Variants in TNFSF11 observed in about 807,000 individuals in gnomAD.
The protein encoded by TNFSF11 is tumor necrosis factor ligand superfamily member 11.
A neutral mutation model predicts 32.2 loss-of-function variants in TNFSF11; 12 were observed. The observed-to-expected ratio is 0.37, with a 90% confidence interval of 0.24 to 0.60. The LOEUF (loss-of-function observed/expected upper bound fraction) is 0.60. Ranked by LOEUF, TNFSF11 falls within the 20% of genes least tolerant of loss-of-function variation. The pLI is 0.66. For missense variants in TNFSF11, 345 were observed against 398.0 expected, an observed-to-expected ratio of 0.87 and a Z score of 1.13; for synonymous variants, 172 against 152.1, an observed-to-expected ratio of 1.13 and a Z score of -0.96.
At chr13:42,589,524 T>G (rs1874063256) in intron 2 of TNFSF11, among the ~76,000 whole-genome samples, 1 of 152,214 alleles carries the variant, frequency 6.6e-6, no homozygotes, top group South Asian at 2.1e-4. Flanking sequence ...CAGGATGAAG[T>G]CTGAGCTGCT....
Position 42,600,991 on chromosome 13 carries a change from A to G in TNFSF11, c.532+10A>G, listed in dbSNP as rs773850353. On this transcript the variant is annotated intron_variant, in intron 4 of 4. Coordinates refer to ENST00000398795, the MANE Select transcript of TNFSF11 (RefSeq NM_003701.4). ...ACCGACATCCCATCTGGTAAGCTCT[A>G]TCTGCATCCAGCCTGAAAAATATTT... The G allele has an allele frequency of 8.1e-6, 13 of 1,613,722 alleles. No individual in the cohort carries two copies. Among genetic ancestry groups the G allele is most frequent in the East Asian group, 4.5e-5 (2 of 44,900 alleles).
At chr13:42,596,734 C>G (rs984276556) in intron 2 of TNFSF11, among the ~76,000 whole-genome samples, 4 of 152,250 alleles carry the variant, frequency 2.6e-5, no homozygotes, top group African/African-American at 9.6e-5. Flanking sequence ...AATATATATG[C>G]AAGTCATGAG....
intron 1 of TNFSF11, among the ~76,000 whole-genome samples, chr13:42,575,140 T>A (rs1873246833): frequency 6.6e-6 from 1 of 152,170 alleles, no homozygotes; most frequent in Non-Finnish European, 1.5e-5. Flanking sequence ...GCTCTGCGGC[T>A]GTGGCGCTGT....
intron 1 of TNFSF11, among the ~76,000 whole-genome samples, chr13:42,563,969 A>G (rs1174938562): frequency 6.6e-6 from 1 of 152,172 alleles, no homozygotes; most frequent in East Asian, 1.9e-4. Flanking sequence ...CACATATATT[A>G]GACCTTTTGA....
At chr13:42,579,214 G>A (rs1444619219) in intron 1 of TNFSF11, among the ~76,000 whole-genome samples, 4 of 151,732 alleles carry the variant, frequency 2.6e-5, no homozygotes, top group Admixed American at 1.3e-4. Context: ...GCAACACAGC[G>A]AGACCCCATC....
chr13:42,583,148 CA>C (rs1188986588), intron 2 of TNFSF11, among the ~76,000 whole-genome samples: 2 of 151,976 alleles, frequency 1.3e-5, no homozygotes, highest in African/African-American at 4.8e-5. Flanking sequence ...CGGTGGCTCA[CA>C]CTTGTAATCC....
upstream of TNFSF11, chr13:42,574,037 G>A: frequency 1.9e-6 from 1 of 534,726 alleles, no homozygotes; most frequent in Non-Finnish European, 3.3e-6. Context: ...AGGGCGAAAG[G>A]AAGGAAGGGG....
At chr13:42,598,968 G>A (rs1468753797) in intron 2 of TNFSF11, among the ~76,000 whole-genome samples, 1 of 152,140 alleles carries the variant, frequency 6.6e-6, no homozygotes, top group African/African-American at 2.4e-5. Flanking sequence ...AGAAAACGAG[G>A]CCTGGGAAGG....
At chr13:42,575,132 T>C (rs1873246131) in intron 1 of TNFSF11, among the ~76,000 whole-genome samples, 1 of 152,114 alleles carries the variant, frequency 6.6e-6, no homozygotes. Flanking sequence ...GGATGGGGGC[T>C]CTGCGGCTGT....
intron 1 of TNFSF11, among the ~76,000 whole-genome samples, chr13:42,575,961 G>A (rs185222106): frequency 2.6e-5 from 4 of 152,200 alleles, no homozygotes; most frequent in African/African-American, 7.2e-5. Context: ...AGCGTTGTGC[G>A]TGGCACCGTC....
Position 42,574,242 on chromosome 13 carries a change from C to A in TNFSF11, c.-62C>A. 1.3e-5 allele frequency: 20 copies of A among 1,535,740 alleles called. No homozygotes were observed. Among genetic ancestry groups the A allele is most frequent in the Non-Finnish European group, 1.7e-5 (19 of 1,137,952 alleles). On this transcript the variant is annotated 5_prime_UTR_variant, in exon 1 of 5. Coordinates refer to ENST00000398795, the MANE Select transcript of TNFSF11 (RefSeq NM_003701.4). Reference sequence around the variant, plus strand: ...CCGCCGCAGCCTCCGGAGTTGGCCGCAGACAAGAAGGGGAGGGAGCGGGAG... The same window carrying A: ...CCGCCGCAGCCTCCGGAGTTGGCCGAAGACAAGAAGGGGAGGGAGCGGGAG...
chr13:42,596,043 A>G (rs1314595955), intron 2 of TNFSF11, among the ~76,000 whole-genome samples: 1 of 152,218 alleles, frequency 6.6e-6, no homozygotes, highest in Non-Finnish European at 1.5e-5. Flanking sequence ...CGTCTTCAGA[A>G]GGACTCCTAT....
At chr13:42,589,055 G>T (rs935957694) in intron 2 of TNFSF11, among the ~76,000 whole-genome samples, 5 of 151,994 alleles carry the variant, frequency 3.3e-5, no homozygotes, top group Non-Finnish European at 5.9e-5. Context: ...TGGTGGTGGT[G>T]GTACCAGTAA....
upstream of TNFSF11, among the ~76,000 whole-genome samples, chr13:42,573,271 G>A (rs1873136909): frequency 1.3e-5 from 2 of 151,802 alleles, no homozygotes; most frequent in Admixed American, 6.6e-5. Context: ...AACATCCTAA[G>A]TTTCATGGGT....
At chr13:42,571,480 T>C (rs1566372539), upstream of TNFSF11, 1 of 152,140 alleles carries the variant, frequency 6.6e-6, no homozygotes, top group Non-Finnish European at 1.5e-5. Context: ...ACAATCCACC[T>C]ATCTCAGCCT....
chr13:42,599,736 A>G (rs552503618), intron 2 of TNFSF11, among the ~76,000 whole-genome samples: 8 of 152,012 alleles, frequency 5.3e-5, no homozygotes, highest in African/African-American at 1.9e-4. Context: ...CACCTGGCTA[A>G]TTTTTGTATT....
chr13:42,593,871 G>A (rs1209833067), intron 2 of TNFSF11, among the ~76,000 whole-genome samples: 1 of 152,170 alleles, frequency 6.6e-6, no homozygotes, highest in East Asian at 1.9e-4. Flanking sequence ...ATAAGCTGGT[G>A]CCAGTGATTT....
chr13:42,600,977 A>G lies in TNFSF11; in HGVS notation c.528A>G (p.Pro176=). ...AHLTINATDI[P]SGSHKVSLSS... ...TCACTATTAATGCCACCGACATCCC[A>G]TCTGGTAAGCTCTATCTGCATCCAG... Residue 176 remains proline (P), a synonymous_variant, in exon 4 of 5, where the codon CCA becomes CCG. Coordinates refer to ENST00000398795, the MANE Select transcript of TNFSF11 (RefSeq NM_003701.4). 1 of 1,614,174 alleles carries G rather than the reference A, an allele frequency of 6.2e-7. No individual in the cohort carries two copies. Among genetic ancestry groups the G allele is most frequent in the Non-Finnish European group, 8.5e-7 (1 of 1,180,002 alleles).
rs1594457752 is a variant in TNFSF11, at chr13:42,574,172, C to G, written c.-132C>G. 2 of 1,286,756 alleles carry G rather than the reference C, an allele frequency of 1.6e-6. No homozygotes were observed. Among genetic ancestry groups the G allele is most frequent in the East Asian group, 5.1e-5 (2 of 38,850 alleles). The allele number at this position is 1,286,756 out of a possible 1,614,324, so 79.7% of individuals were successfully genotyped here. A position where few individuals can be genotyped will look rare whatever the true frequency, so the allele number is the denominator to read the frequency against. The stretch of plus-strand genomic sequence containing the variant: ...GCCCTGCCCGCTCGCCCGCGCGCCC[C>G]AGGACCCAAAGCCGGGCTCCAAGTC... On this transcript the variant is annotated 5_prime_UTR_variant, in exon 1 of 5. Transcript: ENST00000398795.
Sources: allele counts gnomAD v4.1 joint callset (sites outside exome capture counted in the v4.1 genomes callset), GRCh38; gene constraint gnomAD v4.1.1; transcripts MANE v1.5; gene names NCBI Gene and HGNC (gene_info 2026-07-23, HGNC 2026-07-21).